SEZ6L: variants seen among roughly 807,000 people sequenced by gnomAD.
The protein encoded by SEZ6L is seizure 6-like protein.
In SEZ6L, 37 loss-of-function variants were observed where a neutral mutation model predicts 106.2. The observed-to-expected ratio is 0.35, with a 90% CI of 0.27 to 0.46. The LOEUF is 0.46. Among genes scored for constraint, SEZ6L ranks in the 20% least tolerant of loss-of-function variants. The pLI, the probability that SEZ6L is intolerant of heterozygous loss-of-function variation, is 1.00. For missense variants in SEZ6L, 1,172 were observed against 1,332.8 expected (o/e 0.88, Z 1.88); for synonymous variants, 541 against 570.4 (o/e 0.95, Z 0.73).
chr22:26,377,492 A>G (rs1242924432), intron 15 of SEZ6L, among the ~76,000 whole-genome samples, 181 bp from the exon 16 acceptor site: 1 of 152,162 alleles, frequency 6.6e-6, no homozygotes, highest in Non-Finnish European at 1.5e-5. Flanking sequence ...GTTGAGAGCA[A>G]TTATGATTTC....
chr22:26,169,926 C>T (rs1307123331), intron 1 of SEZ6L, among the ~76,000 whole-genome samples, 163 bp downstream of exon 1: 4 of 152,124 alleles, frequency 2.6e-5, no homozygotes, highest in Non-Finnish European at 4.4e-5. Flanking sequence ...CCCCTTGGCC[C>T]GGGCTGATGG....
In SEZ6L at chr22:26,315,585, C is replaced by A. The variant is rs528754479; in HGVS notation, c.2015+1683C>A. 2.6e-5 allele frequency among the ~76,000 whole-genome samples: 4 copies of A among 151,866 alleles called. No homozygotes were observed. The East Asian group carries it at 7.7e-4, about 29-fold the overall frequency. On this transcript the variant is annotated intron_variant, in intron 9 of 16. Transcript: ENST00000248933. ...TGCCCCTTGTGGACTTGGGGCCAGG[C>A]CAATCTAAGAAAGAATTCCACCTCC... is the stretch of plus-strand genomic sequence containing the variant.
chr22:26,252,936 C>T (rs982053740), intron 1 of SEZ6L, among the ~76,000 whole-genome samples: 1 of 152,142 alleles, frequency 6.6e-6, no homozygotes, highest in Non-Finnish European at 1.5e-5. Context: ...GGATATATGC[C>T]CAGTAAGAGG....
chr22:26,231,677 G>A (rs139460616), intron 1 of SEZ6L, among the ~76,000 whole-genome samples: 1 of 152,236 alleles, frequency 6.6e-6, no homozygotes, highest in East Asian at 1.9e-4. Flanking sequence ...CTGTGTCAAG[G>A]CCCAGGAGAC....
chr22:26,207,155 T>A (rs982585955), intron 1 of SEZ6L, among the ~76,000 whole-genome samples: 1 of 152,192 alleles, frequency 6.6e-6, no homozygotes, highest in African/African-American at 2.4e-5. Flanking sequence ...CTGTTTTGTT[T>A]TGTTTTGTTT....
chr22:26,248,725 G>A (rs939362569), intron 1 of SEZ6L, among the ~76,000 whole-genome samples: 12 of 152,202 alleles, frequency 7.9e-5, no homozygotes, highest in African/African-American at 2.9e-4. Flanking sequence ...GTTGTGAGTG[G>A]CATTTTCAAC....
intron 11 of SEZ6L, among the ~76,000 whole-genome samples, chr22:26,350,194 G>GTGTATATATATATATACACATATATA (rs2083225898): frequency 7.2e-6 from 1 of 138,736 alleles, no homozygotes; most frequent in Non-Finnish European, 1.5e-5. Flanking sequence ...GTGTGTGTGT[G>GTGTATATATATATATACACATATATA]TATATATATA....
rs2081316221 is a variant in SEZ6L at position 26,296,870 on chromosome 22, G to A, written c.970-18G>A. The A allele has an allele frequency of 6.4e-7, 1 of 1,558,282 alleles. No individual in the cohort carries two copies. On this transcript the variant is annotated intron_variant, in intron 3 of 16. Transcript: ENST00000248933. Reference sequence around the variant, plus strand: ...CACAACTCAGAGTTCCTCTCTGTCTGCTTCTGCCTGTTCCCAGGTGAAGAG... The same window carrying A: ...CACAACTCAGAGTTCCTCTCTGTCTACTTCTGCCTGTTCCCAGGTGAAGAG...
At chr22:26,213,026 G>T (rs2078204401) in intron 1 of SEZ6L, among the ~76,000 whole-genome samples, 1 of 152,198 alleles carries the variant, frequency 6.6e-6, no homozygotes, top group South Asian at 2.1e-4. Flanking sequence ...CCCAGTGCTA[G>T]ATATGTGTGC....
chr22:26,181,418 TGGAATCAAGCCTAGTTTTCCAGGGCTTCA>T (rs1292372421), intron 1 of SEZ6L, among the ~76,000 whole-genome samples: 1 of 152,182 alleles, frequency 6.6e-6, no homozygotes, highest in African/African-American at 2.4e-5. Flanking sequence ...GTAAAATATG[TGGAATCAAGCCTAGTTTTCCAGGGCTTCA>T]GGAAAGGAAA....
chr22:26,231,523 T>C (rs1004642750), intron 1 of SEZ6L, among the ~76,000 whole-genome samples: 24 of 152,208 alleles, frequency 1.6e-4, no homozygotes, highest in African/African-American at 5.8e-4. Context: ...CTATCTGTAC[T>C]GCAAGGAGAC....
At chr22:26,339,968 C>T (rs1049852915) in intron 9 of SEZ6L, among the ~76,000 whole-genome samples, 2 of 152,198 alleles carry the variant, frequency 1.3e-5, no homozygotes, top group Non-Finnish European at 1.5e-5. Context: ...GGCACAGTGA[C>T]TCACGCCTGT....
At chr22:26,360,754 CG>C (rs1161776602) in intron 12 of SEZ6L, among the ~76,000 whole-genome samples, 2 of 152,112 alleles carry the variant, frequency 1.3e-5, no homozygotes, top group East Asian at 3.8e-4. Context: ...TGTAATGACC[CG>C]GTAACTGTTC....
chr22:26,354,401 G>A (rs568894479), intron 12 of SEZ6L, among the ~76,000 whole-genome samples: 3 of 152,218 alleles, frequency 2.0e-5, no homozygotes, highest in African/African-American at 7.2e-5. Context: ...CCCCCCAACC[G>A]CCCACAGCAT....
Position 26,381,971 on chromosome 22 carries a change from C to T in SEZ6L, c.*1676C>T. 1 of 515,452 alleles carries T rather than the reference C, an allele frequency of 1.9e-6. No homozygotes were observed. Among genetic ancestry groups the T allele is most frequent in the Admixed American group, 2.0e-5 (1 of 51,062 alleles). 31.9% of individuals were successfully genotyped at this position (515,452 alleles called of 1,614,324 possible). Reference sequence around the variant, plus strand: ...TATGTTTTGGTGGTTACATTGGAAACATCTTAAGCAAGATAGGGAAAGTTG... The same window carrying T: ...TATGTTTTGGTGGTTACATTGGAAATATCTTAAGCAAGATAGGGAAAGTTG... On this transcript the variant is annotated 3_prime_UTR_variant, in exon 17 of 17. Coordinates refer to ENST00000248933, the MANE Select transcript of SEZ6L (RefSeq NM_021115.5).
intron 10 of SEZ6L, among the ~76,000 whole-genome samples, chr22:26,341,462 G>C (rs898762794): frequency 3.3e-5 from 5 of 152,072 alleles, no homozygotes; most frequent in Non-Finnish European, 5.9e-5. Flanking sequence ...ATCCTGGACT[G>C]TATCCTCTCT....
At chr22:26,195,856 A>C (rs1940547295) in intron 1 of SEZ6L, among the ~76,000 whole-genome samples, 1 of 152,082 alleles carries the variant, frequency 6.6e-6, no homozygotes, top group South Asian at 2.1e-4. Context: ...TGAAAGCATC[A>C]ATCAGGGTGC....
intron 1 of SEZ6L, among the ~76,000 whole-genome samples, chr22:26,207,680 A>G (rs186689312): frequency 1.1e-4 from 17 of 151,522 alleles, no homozygotes; most frequent in Admixed American, 9.2e-4. Flanking sequence ...TTTTTTTGCT[A>G]TACATTTTTG....
At chr22:26,344,883 G>T (rs2082957539) in intron 10 of SEZ6L, among the ~76,000 whole-genome samples, 2 of 152,208 alleles carry the variant, frequency 1.3e-5, no homozygotes, top group African/African-American at 4.8e-5. Context: ...TAATTGGCAT[G>T]ACTGGAATCA....
Sources: gnomAD v4.1 joint callset for allele counts (sites outside exome capture counted in the v4.1 genomes callset) on GRCh38, gnomAD v4.1.1 for gene constraint, MANE v1.5 for transcripts, NCBI Gene and HGNC (gene_info 2026-07-23, HGNC 2026-07-21) for gene names.